PCDHGA10: variants seen among roughly 807,000 people sequenced by gnomAD.
The protein encoded by PCDHGA10 is protocadherin gamma subfamily A, 10, also known as protocadherin gamma-A10.
Under a neutral mutation model 59.5 loss-of-function variants are expected in PCDHGA10, and 42 were observed. That is an observed-to-expected ratio of 0.71 (90% CI 0.55 to 0.91). The LOEUF is 0.91. PCDHGA10 is among the 40% of genes least tolerant of loss of function. The probability of loss-of-function intolerance (pLI) is 0.00; values close to 1 mark genes in which losing one functional copy is unlikely to be tolerated. For synonymous variants in PCDHGA10, 511 were observed against 517.2 expected (o/e 0.99, Z 0.16); for missense variants, 1,111 against 1,198.2 (o/e 0.93, Z 1.07).
chr5:141,439,172 G>A (rs1181712838), intron 1 of PCDHGA10, among the ~76,000 whole-genome samples: 1 of 147,496 alleles, frequency 6.8e-6, no homozygotes, highest in Admixed American at 6.8e-5. Context: ...CAGCCTGGGC[G>A]ACATAGTGAG....
Position 141,485,609 on chromosome 5 carries a change from G to C in PCDHGA10, c.2437-9198G>C, listed in dbSNP as rs1432367043. On this transcript the variant is annotated intron_variant, in intron 1 of 3. Coordinates refer to ENST00000398610, the MANE Select transcript of PCDHGA10 (RefSeq NM_018913.3). The surrounding 1 kb of genome is among the most constrained non-coding windows in gnomAD (Gnocchi z 5.7). ...GCTGGACTTGGAAATTGGGGAGGCA[G>C]CTCCTCCAGGACAGCGTTTCCCGTT... The C allele has an allele frequency of 1.2e-6, 2 of 1,612,138 alleles. No homozygotes were observed. Among genetic ancestry groups the C allele is most frequent in the Non-Finnish European group, 1.7e-6 (2 of 1,178,664 alleles).
At chr5:141,466,143 C>T (rs2099117622) in intron 1 of PCDHGA10, among the ~76,000 whole-genome samples, 1 of 151,816 alleles carries the variant, frequency 6.6e-6, no homozygotes, top group Admixed American at 6.6e-5. Flanking sequence ...CAAGTGAAAA[C>T]TCTGGTCTTA....
rs2099631185 is a variant in PCDHGA10, at chr5:141,486,568, T to C, written c.2437-8239T>C. Reference sequence around the variant, plus strand: ...AGAGGTCACATGAGGTGTTTGTTCCTGAGAACAATCGCCCAGGGGACCTGC... The same window carrying C: ...AGAGGTCACATGAGGTGTTTGTTCCCGAGAACAATCGCCCAGGGGACCTGC... On this transcript the variant is annotated intron_variant, in intron 1 of 3. Coordinates refer to ENST00000398610, the MANE Select transcript of PCDHGA10 (RefSeq NM_018913.3). The surrounding 1 kb of genome is among the most constrained non-coding windows in gnomAD (Gnocchi z 5.0). 1.9e-6 allele frequency: 3 copies of C among 1,613,862 alleles called. No homozygotes were observed. The South Asian group carries it at 3.3e-5, about 18-fold the overall frequency.
At chr5:141,457,784 T>G (rs1021614051) in intron 1 of PCDHGA10, among the ~76,000 whole-genome samples, 1 of 152,210 alleles carries the variant, frequency 6.6e-6, no homozygotes, top group Non-Finnish European at 1.5e-5. Flanking sequence ...TACCTGTGAG[T>G]TGGGTTATCC....
intron 2 of PCDHGA10, among the ~76,000 whole-genome samples, chr5:141,503,365 G>A (rs2099819492): frequency 6.6e-6 from 1 of 152,020 alleles, no homozygotes; most frequent in East Asian, 1.9e-4. Flanking sequence ...GGGAAGCGGA[G>A]GCAGGTGGAT....
intron 1 of PCDHGA10, chr5:141,479,196 C>T (rs2099489838): frequency 2.0e-5 from 3 of 152,432 alleles, no homozygotes; most frequent in African/African-American, 7.2e-5. Context: ...TCAGAAAATA[C>T]AGAAAAGTAT....
intron 1 of PCDHGA10, among the ~76,000 whole-genome samples, chr5:141,443,812 G>A (rs1441798548): frequency 6.6e-6 from 1 of 151,990 alleles, no homozygotes; most frequent in Admixed American, 6.6e-5. Flanking sequence ...AGTTACCTTT[G>A]GAAAACATAA....
chr5:141,419,773 C>CAG, intron 1 of PCDHGA10: 1 of 1,614,034 alleles, frequency 6.2e-7, no homozygotes, highest in Non-Finnish European at 8.5e-7. Flanking sequence ...AGGACTCGGT[C>CAG]CGCCAGCGCC....
At chr5:141,443,728 C>T (rs1434984241) in intron 1 of PCDHGA10, among the ~76,000 whole-genome samples, 1 of 152,060 alleles carries the variant, frequency 6.6e-6, no homozygotes, top group Admixed American at 6.5e-5. Flanking sequence ...ATTCCTCATA[C>T]ATTTCCCTAT....
In PCDHGA10 at chr5:141,414,550, G is replaced by C; in HGVS notation, c.1375G>C (p.Val459Leu). 6.2e-7 allele frequency: 1 copy of C among 1,613,948 alleles called. No individual in the cohort carries two copies. Among genetic ancestry groups the C allele is most frequent in the Non-Finnish European group, 8.5e-7 (1 of 1,179,894 alleles). ...INDNPPTFSQ[V>L]SYFTYIPENN... ...TGACAACCCACCTACCTTCTCTCAA[G>C]TCTCCTACTTTACCTATATCCCAGA... is the stretch of plus-strand genomic sequence containing the variant. Residue 459 changes from valine (V) to leucine (L), a missense_variant, in exon 1 of 4, where the codon GTC (valine) becomes CTC (leucine). By Grantham distance (32) the Val-to-Leu change is conservative. Coordinates refer to ENST00000398610, the MANE Select transcript of PCDHGA10 (RefSeq NM_018913.3).
chr5:141,430,994 C>T, intron 1 of PCDHGA10: 1 of 1,613,950 alleles, frequency 6.2e-7, no homozygotes, highest in East Asian at 2.2e-5. Context: ...CGCCCTGAAT[C>T]CGCGCAGCGG....
rs770419617 is a variant in PCDHGA10, at chr5:141,421,523, C to T, written c.2436+5912C>T. The T allele has an allele frequency of 2.5e-6, 4 of 1,614,034 alleles. No homozygotes were observed. In the Admixed American group the frequency reaches 5.0e-5, roughly 20 times the overall value. ...ATAGACCGGGAGGAGCTCTGTGAGA[C>T]GGTGTCCTCCTGTTTTTTAAATATG... On this transcript the variant is annotated intron_variant, in intron 1 of 3. Transcript: ENST00000398610.
At position 141,431,555 on chromosome 5, in the gene PCDHGA10, G is replaced by A. The variant is rs2097394199; in HGVS notation, c.2436+15944G>A. On this transcript the variant is annotated intron_variant, in intron 1 of 3. Transcript: ENST00000398610. This position sits in a 1 kb window ranked among gnomAD's most constrained non-coding sequence, Gnocchi z 4.8. The stretch of plus-strand genomic sequence containing the variant: ...GGGCACGCAGCTGCTTGTAGTCAAC[G>A]CTACCGACCCTGACGAAGGAGTCAA... 1 of 1,614,014 alleles carries A rather than the reference G, an allele frequency of 6.2e-7. No individual in the cohort carries two copies. The highest frequency in any genetic ancestry group is 8.5e-7 in the Non-Finnish European group (1 of 1,180,032).
intron 1 of PCDHGA10, chr5:141,440,036 A>T (rs540100930): frequency 6.5e-6 from 1 of 153,058 alleles, no homozygotes; most frequent in Non-Finnish European, 1.5e-5. Context: ...TGTCGAGGAC[A>T]TGCCCACTTG....
intron 1 of PCDHGA10, chr5:141,415,947 C>G: frequency 1.9e-6 from 1 of 532,382 alleles, no homozygotes; most frequent in Non-Finnish European, 2.8e-6. Flanking sequence ...CCTGGGTGGT[C>G]ACATATTGAA....
In PCDHGA10 at chr5:141,481,621, C is replaced by T. The variant is rs533294863; in HGVS notation, c.2437-13186C>T. Among the ~76,000 whole-genome samples the T allele has an allele frequency of 3.9e-5, 6 of 152,198 alleles. 1 individual carries two copies. Among genetic ancestry groups the T allele is most frequent in the East Asian group, 3.9e-4 (2 of 5,172 alleles). Reference sequence around the variant, plus strand: ...TCACCTGAGGCCAGGAGTTCAAGACCGGCCTGGCCAACATGGTGAAACTTC... The same window carrying T: ...TCACCTGAGGCCAGGAGTTCAAGACTGGCCTGGCCAACATGGTGAAACTTC... On this transcript the variant is annotated intron_variant, in intron 1 of 3. Transcript: ENST00000398610.
intron 1 of PCDHGA10, among the ~76,000 whole-genome samples, chr5:141,445,356 A>C (rs1333905692): frequency 6.6e-6 from 1 of 152,202 alleles, no homozygotes; most frequent in Non-Finnish European, 1.5e-5. Flanking sequence ...TGTCTGCCCA[A>C]GTCTGGTCCT....
chr5:141,501,302 C>T (rs886901737), intron 2 of PCDHGA10, among the ~76,000 whole-genome samples: 14 of 151,156 alleles, frequency 9.3e-5, no homozygotes, highest in African/African-American at 2.9e-4. Flanking sequence ...CACACACACA[C>T]ACACACACAC....
intron 1 of PCDHGA10, among the ~76,000 whole-genome samples, chr5:141,492,356 G>A (rs2099739649): frequency 6.6e-6 from 1 of 152,198 alleles, no homozygotes; most frequent in Non-Finnish European, 1.5e-5. Context: ...ACTGCCACTC[G>A]CTCGCGGCCA....
Sources: gnomAD v4.1 joint callset for allele counts (sites outside exome capture counted in the v4.1 genomes callset) on GRCh38, gnomAD v4.1.1 for gene constraint, Gnocchi (gnomAD v3.1) non-coding constraint, MANE v1.5 for transcripts, NCBI Gene and HGNC (gene_info 2026-07-23, HGNC 2026-07-21) for gene names.